The following SARDH variants were observed in gnomAD, a reference collection of about 807,000 sequenced individuals.
SARDH encodes sarcosine dehydrogenase, also known as sarcosine dehydrogenase, mitochondrial.
Under a neutral mutation model 109.1 loss-of-function variants are expected in SARDH, and 95 were observed. The observed-to-expected ratio is 0.87, with a 90% CI of 0.74 to 1.03. The LOEUF is 1.03. Ranked by LOEUF, SARDH falls within the 50% of genes least tolerant of loss-of-function variation. The probability of loss-of-function intolerance (pLI) is 0.00; values close to 1 mark genes in which losing one functional copy is unlikely to be tolerated. For synonymous variants in SARDH, 572 were observed against 534.8 expected (o/e 1.07, Z -0.96); for missense variants, 1,267 against 1,287.8 (o/e 0.98, Z 0.25).
At chr9:133,719,364 G>C (rs1295516366) in intron 6 of SARDH, among the ~76,000 whole-genome samples, 1 of 152,194 alleles carries the variant, frequency 6.6e-6, no homozygotes, top group Non-Finnish European at 1.5e-5. Flanking sequence ...GAGAGAACAG[G>C]CAGAGGCAGC....
intron 6 of SARDH, among the ~76,000 whole-genome samples, chr9:133,726,660 T>C (rs1276329847): frequency 2.6e-5 from 4 of 152,212 alleles, no homozygotes; most frequent in Non-Finnish European, 5.9e-5. Context: ...AGCAGCCTCC[T>C]GCTCTGGCTG....
At chr9:133,667,450 G>C (rs1300905417) in intron 19 of SARDH, among the ~76,000 whole-genome samples, 1 of 151,920 alleles carries the variant, frequency 6.6e-6, no homozygotes, top group Non-Finnish European at 1.5e-5. Flanking sequence ...ACAGACTTGA[G>C]CCACTGCGCC....
rs149815756 is a variant in SARDH, at chr9:133,717,369, G to C, written c.1107C>G (p.Pro369=). 8 of 1,614,088 alleles carry C rather than the reference G, an allele frequency of 5.0e-6. No individual in the cohort carries two copies. Among genetic ancestry groups the C allele is most frequent in the Middle Eastern group, 3.3e-4 (2 of 6,060 alleles). Residue 369 remains proline, a synonymous_variant, in exon 8 of 21, where the codon CCC becomes CCG. Coordinates refer to ENST00000439388, the MANE Select transcript of SARDH (RefSeq NM_001134707.2). ...ACTTGATTCCTGTCTTCTCCAGCAC[G>C]GGGACCCTGTTGATGGCGCCTTCAA... is the stretch of plus-strand genomic sequence containing the variant. The part of the protein sequence containing the change: ...QHIEGAINRV[P]VLEKTGIKST...
chr9:133,732,681 C>T, intron 2 of SARDH, 80 bp from the exon 3 acceptor site: 6 of 1,455,700 alleles, frequency 4.1e-6, no homozygotes, highest in Non-Finnish European at 5.5e-6. Flanking sequence ...AGGGGATACC[C>T]TGATATTCAA....
intron 16 of SARDH, among the ~76,000 whole-genome samples, chr9:133,687,268 TTTG>T (rs930387468): frequency 6.6e-6 from 1 of 151,974 alleles, no homozygotes; most frequent in African/African-American, 2.4e-5. Context: ...TTGGTTTTGG[TTTG>T]TTTTGTTTCA....
chr9:133,686,243 G>GC lies in SARDH; in HGVS notation c.2070-958dup, dbSNP rs908651536. Among the ~76,000 whole-genome samples, 119 of 152,048 alleles carry GC rather than the reference G, an allele frequency of 7.8e-4. 1 individual carries two copies. The highest frequency in any genetic ancestry group is 2.8e-3 in the African/African-American group (115 of 41,462). On this transcript the variant is annotated intron_variant, in intron 16 of 20. Transcript: ENST00000439388. The surrounding 1 kb of genome is among the most constrained non-coding windows in gnomAD (Gnocchi z 4.0). ...GCACCACATCTACTCTCACACTTGC[G>GC]CAAGTACCGGAGACCTCACTGGAGC...
chr9:133,719,150 A>G (rs1832233494), intron 6 of SARDH, 108 bp from the exon 7 acceptor site: 2 of 870,474 alleles, frequency 2.3e-6, no homozygotes, highest in East Asian at 2.5e-5. Flanking sequence ...CGGGCTCGAG[A>G]TGGTCCTTCT....
rs1204797824 is a variant in SARDH, at chr9:133,685,222, G to T, written c.2134C>A (p.His712Asn). 1.2e-5 allele frequency: 19 copies of T among 1,613,862 alleles called. No individual in the cohort carries two copies. The East Asian group carries it at 3.3e-4, about 28-fold the overall frequency. ...TGCCCTGCGGCTCTCAGTAGCTTGT[G>T]GGTGGAGAACGGGAAGGCCTCGTTG... ...LSNEAFPFSTHKLLRAAGHLV... is the reference protein window; with the variant it reads ...LSNEAFPFSTNKLLRAAGHLV... Residue 712 changes from histidine (H) to asparagine (N), a missense_variant, in exon 17 of 21, where the codon CAC becomes AAC. By Grantham distance (68) the His-to-Asn change is moderately conservative. Coordinates refer to ENST00000439388, the MANE Select transcript of SARDH (RefSeq NM_001134707.2).
At chr9:133,663,556 G>A (rs949360182), downstream of SARDH, 9 of 317,386 alleles carry the variant, frequency 2.8e-5, no homozygotes, top group South Asian at 8.1e-5. Context: ...TATTTGCTTC[G>A]CTGTTTTCAC....
chr9:133,691,169 AACACACACACACACACACACAC>A (rs3081171), intron 15 of SARDH, among the ~76,000 whole-genome samples: 1 of 112,134 alleles, frequency 8.9e-6, no homozygotes, highest in African/African-American at 3.6e-5. Flanking sequence ...CACCTCCCCC[AACACACACACACACACACACAC>A]ACACACACAC....
intron 1 of SARDH, among the ~76,000 whole-genome samples, chr9:133,737,999 C>T (rs1325424077): frequency 6.6e-6 from 1 of 152,198 alleles, no homozygotes; most frequent in Non-Finnish European, 1.5e-5. Context: ...CTCCCAGGCT[C>T]AGGGGGTGGT....
At chr9:133,722,879 G>C (rs1215162701) in intron 6 of SARDH, among the ~76,000 whole-genome samples, 4 of 152,088 alleles carry the variant, frequency 2.6e-5, no homozygotes, top group Admixed American at 2.6e-4. Flanking sequence ...GGCTGGTCTT[G>C]AACTCCTGAC....
At chr9:133,700,290 C>G (rs1175963508) in intron 13 of SARDH, among the ~76,000 whole-genome samples, 1 of 151,996 alleles carries the variant, frequency 6.6e-6, no homozygotes, top group South Asian at 2.1e-4. Context: ...TGCACCCCTG[C>G]ACTCCAGCCT....
chr9:133,704,422 A>T lies in SARDH; in HGVS notation c.1554+526T>A, dbSNP rs907785525. Among the ~76,000 whole-genome samples the T allele has an allele frequency of 2.0e-5, 3 of 152,064 alleles. No individual in the cohort carries two copies. The highest frequency in any genetic ancestry group is 7.2e-5 in the African/African-American group (3 of 41,404). The stretch of plus-strand genomic sequence containing the variant: ...CAGCAGGACTGCCTTTGTTCCTCTC[A>T]CTGAGGACCCAGGTCCCTGGGAGTC... On this transcript the variant is annotated intron_variant, in intron 12 of 20. Coordinates refer to ENST00000439388, the MANE Select transcript of SARDH (RefSeq NM_001134707.2). The surrounding 1 kb of genome is among the most constrained non-coding windows in gnomAD (Gnocchi z 4.5).
chr9:133,705,172 G>A (rs2131423241), intron 11 of SARDH, 141 bp from the exon 12 acceptor site: 1 of 772,948 alleles, frequency 1.3e-6, no homozygotes. Flanking sequence ...CTCCAGCCCA[G>A]TGTTTGCAGC....
rs1200649167 is a variant in SARDH, at chr9:133,666,496, C to T, written c.2631+239G>A. Among the ~76,000 whole-genome samples the T allele has an allele frequency of 6.7e-6, 1 of 149,262 alleles. No individual in the cohort carries two copies. Among genetic ancestry groups the T allele is most frequent in the Admixed American group, 6.7e-5 (1 of 15,028 alleles). ...CTTCCTCCCCCTTCTCCTTCTCCCT[C>T]CCTCCTCCCTCTCCCTCCTCCTCCT... On this transcript the variant is annotated intron_variant, in intron 20 of 20. Coordinates refer to ENST00000439388, the MANE Select transcript of SARDH (RefSeq NM_001134707.2). The surrounding 1 kb of genome is among the most constrained non-coding windows in gnomAD (Gnocchi z 5.2).
intron 13 of SARDH, among the ~76,000 whole-genome samples, 192 bp downstream of exon 13, chr9:133,702,724 G>C (rs1008305023): frequency 6.6e-6 from 1 of 152,184 alleles, no homozygotes; most frequent in Non-Finnish European, 1.5e-5. Flanking sequence ...TCTCGGCACA[G>C]AGGGAGGAGG....
intron 11 of SARDH, among the ~76,000 whole-genome samples, chr9:133,707,354 G>A (rs568088251): frequency 1.7e-4 from 26 of 152,212 alleles, no homozygotes; most frequent in African/African-American, 5.8e-4. Flanking sequence ...TTACAGGCCC[G>A]GGGGCATGCT....
rs1830906742 is a variant in SARDH, at chr9:133,686,938, A to C, written c.2070-1652T>G. On this transcript the variant is annotated intron_variant, in intron 16 of 20. Transcript: ENST00000439388. The surrounding 1 kb of genome is among the most constrained non-coding windows in gnomAD (Gnocchi z 4.0). The stretch of plus-strand genomic sequence containing the variant: ...GCAGCCTTGAGTGGCAGCCGCACGG[A>C]AGGGACCCTGGGGCAGAAGCCTGGA... 6.6e-6 allele frequency among the ~76,000 whole-genome samples: 1 copy of C among 152,098 alleles called. No individual in the cohort carries two copies. Among genetic ancestry groups the C allele is most frequent in the African/African-American group, 2.4e-5 (1 of 41,426 alleles).
Sources: allele counts gnomAD v4.1 joint callset (sites outside exome capture counted in the v4.1 genomes callset), GRCh38; gene constraint gnomAD v4.1.1; non-coding constraint Gnocchi (gnomAD v3.1); transcripts MANE v1.5; gene names NCBI Gene and HGNC (gene_info 2026-07-23, HGNC 2026-07-21).